ZNF813: variants seen among roughly 807,000 people sequenced by gnomAD.
The protein encoded by ZNF813 is zinc finger protein 813.
ZNF813 carries 3 observed loss-of-function variants against 7.2 expected under a neutral mutation model. That is an observed-to-expected ratio of 0.42 (90% CI 0.19 to 1.08). The LOEUF (loss-of-function observed/expected upper bound fraction) is 1.08. Ranked by LOEUF, ZNF813 falls within the 50% of genes least tolerant of loss-of-function variation. ZNF813 has a pLI of 0.30. For missense variants in ZNF813, 714 were observed against 753.3 expected (o/e 0.95, Z 0.61); for synonymous variants, 227 against 256.3 (o/e 0.89, Z 1.09).
At position 53,493,092 on chromosome 19, in the gene ZNF813, T is replaced by C. The variant is rs1294452996; in HGVS notation, c.*1006T>C. On this transcript the variant is annotated 3_prime_UTR_variant, in exon 4 of 4. Transcript: ENST00000396403. ...CAAGCAGTAATTGACATTAAAGTGTTTATGTTAAGAGGATTGGGCCAGGTA... is the reference window on the plus strand; with the variant it reads ...CAAGCAGTAATTGACATTAAAGTGTCTATGTTAAGAGGATTGGGCCAGGTA... The C allele has an allele frequency of 8.3e-6, 3 of 361,956 alleles. No individual in the cohort carries two copies. The highest frequency in any genetic ancestry group is 1.6e-5 in the Non-Finnish European group (3 of 183,520). 22.4% of individuals were successfully genotyped at this position (361,956 alleles called of 1,614,324 possible).
chr19:53,489,711 T>A (rs190261245), intron 3 of ZNF813, among the ~76,000 whole-genome samples: 1 of 152,220 alleles, frequency 6.6e-6, no homozygotes, highest in South Asian at 2.1e-4. Flanking sequence ...TATTAACTTT[T>A]ATTTTGAGAT....
At chr19:53,486,537 T>C (rs1189500398) in intron 2 of ZNF813, 95 bp from the exon 3 acceptor site, 1 of 1,605,156 alleles carries the variant, frequency 6.2e-7, no homozygotes, top group Non-Finnish European at 8.5e-7. Flanking sequence ...TTCACTGCAA[T>C]TAAATCCATG....
Position 53,493,498 on chromosome 19 carries a change from G to T in ZNF813, c.*1412G>T, listed in dbSNP as rs1266046122. On this transcript the variant is annotated 3_prime_UTR_variant, in exon 4 of 4. Transcript: ENST00000396403. ...AAATTTTCTTTTAAAATTGTTTATT[G>T]TTACAAACTTCTCATCTTTTTGCTT... 2 of 151,366 alleles carry T rather than the reference G, an allele frequency of 1.3e-5. No individual in the cohort carries two copies. Among genetic ancestry groups the T allele is most frequent in the East Asian group, 3.9e-4 (2 of 5,184 alleles). The allele number at this position is 151,366 out of a possible 1,614,324, so 9.4% of individuals were successfully genotyped here. A position where few individuals can be genotyped will look rare whatever the true frequency, so the allele number is the denominator to read the frequency against.
chr19:53,492,998 C>A lies in ZNF813; in HGVS notation c.*912C>A. 1 of 443,582 alleles carries A rather than the reference C, an allele frequency of 2.3e-6. No individual in the cohort carries two copies. 27.5% of individuals were successfully genotyped at this position (443,582 alleles called of 1,614,324 possible). On this transcript the variant is annotated 3_prime_UTR_variant, in exon 4 of 4. Transcript: ENST00000396403. ...TGGCAAGGTTTTCAGTCTGACTTCA[C>A]TCCTTGCAGAATATCAGAAAATTCA...
chr19:53,490,354 A>G (rs753581633), intron 3 of ZNF813, 21 bp from the exon 4 acceptor site: 9 of 1,612,532 alleles, frequency 5.6e-6, no homozygotes, highest in African/African-American at 1.3e-5. Flanking sequence ...CTGGAAACCT[A>G]TTCGTGTTTA....
At position 53,495,213 on chromosome 19, in the gene ZNF813, T is replaced by G. The variant is rs1457925852; in HGVS notation, c.*3127T>G. ...GCAGGCACACCATCCACATCAGTTT[T>G]TTTGTTTGTTTTTGTTGTTGTTGTT... On this transcript the variant is annotated 3_prime_UTR_variant, in exon 4 of 4. Coordinates refer to ENST00000396403, the MANE Select transcript of ZNF813 (RefSeq NM_001004301.4). 2 of 128,576 alleles carry G rather than the reference T, an allele frequency of 1.6e-5. No individual in the cohort carries two copies. The highest frequency in any genetic ancestry group is 8.3e-5 in the Admixed American group (1 of 12,098). 8.0% of individuals were successfully genotyped at this position (128,576 alleles called of 1,614,324 possible).
At chr19:53,477,082 C>T (rs2086385623) in intron 1 of ZNF813, among the ~76,000 whole-genome samples, 1 of 152,130 alleles carries the variant, frequency 6.6e-6, no homozygotes. Context: ...AAGAAAGCAT[C>T]CTTTAAGTTT....
intron 1 of ZNF813, among the ~76,000 whole-genome samples, chr19:53,482,905 AT>A (rs2086416242): frequency 1.4e-5 from 2 of 146,230 alleles, no homozygotes; most frequent in African/African-American, 2.6e-5. Context: ...TTGTATTTTT[AT>A]TTTTATTTTA....
rs959719684 is a variant in ZNF813, at chr19:53,468,210, C to A, written c.-74+421C>A. On this transcript the variant is annotated intron_variant, in intron 1 of 3. Coordinates refer to ENST00000396403, the MANE Select transcript of ZNF813 (RefSeq NM_001004301.4). Reference sequence around the variant, plus strand: ...TGCAGACCCCACCCTTGTCTTAAGGCGCCCTCGCGCCCCCCCCCCCCCACC... The same window carrying A: ...TGCAGACCCCACCCTTGTCTTAAGGAGCCCTCGCGCCCCCCCCCCCCCACC... Among the ~76,000 whole-genome samples the A allele has an allele frequency of 4.9e-4, 55 of 112,696 alleles. 2 individuals are homozygous for A. Among genetic ancestry groups the A allele is most frequent in the African/African-American group, 1.7e-3 (54 of 31,008 alleles). The allele number at this position is 112,696 out of a possible 152,430, so 73.9% of individuals were successfully genotyped here. A position where few individuals can be genotyped will look rare whatever the true frequency, so the allele number is the denominator to read the frequency against.
intron 1 of ZNF813, among the ~76,000 whole-genome samples, chr19:53,470,771 T>C (rs2617705): frequency 0.16 from 24,633 of 149,798 alleles, 2,479 homozygotes; most frequent in African/African-American, 0.29. Context: ...CTATTGTCAT[T>C]GATTTCTAGG....
At chr19:53,475,040 G>A (rs1352842578) in intron 1 of ZNF813, among the ~76,000 whole-genome samples, 1 of 152,116 alleles carries the variant, frequency 6.6e-6, no homozygotes, top group Non-Finnish European at 1.5e-5. Context: ...GCCCTCTGCA[G>A]TGCATTATAG....
At chr19:53,476,041 G>A (rs935197754) in intron 1 of ZNF813, among the ~76,000 whole-genome samples, 27 of 152,092 alleles carry the variant, frequency 1.8e-4, no homozygotes, top group Admixed American at 5.2e-4. Flanking sequence ...TTGACGTTGG[G>A]TGGCCGGGGT....
rs1364066492 is a variant in ZNF813, at chr19:53,492,881, GA to G, written c.*796del. ...CATACAGGAGAGAAACCTCACGTGT[GA>G]TGATTGTGGCAAAGCCTTTACTTCA... is the stretch of plus-strand genomic sequence containing the variant. On this transcript the variant is annotated 3_prime_UTR_variant, in exon 4 of 4. Coordinates refer to ENST00000396403, the MANE Select transcript of ZNF813 (RefSeq NM_001004301.4). 1.6e-5 allele frequency: 8 copies of G among 486,474 alleles called. No individual in the cohort carries two copies. The highest frequency in any genetic ancestry group is 9.0e-5 in the Admixed American group (4 of 44,432). 30.1% of individuals were successfully genotyped at this position (486,474 alleles called of 1,614,324 possible).
chr19:53,469,453 G>C (rs965988183), intron 1 of ZNF813, among the ~76,000 whole-genome samples: 3 of 152,078 alleles, frequency 2.0e-5, no homozygotes, highest in Non-Finnish European at 4.4e-5. Flanking sequence ...GGAGACACAC[G>C]CAGTAGAAAA....
In ZNF813 at chr19:53,491,113, C is replaced by G. The variant is rs1345112420; in HGVS notation, c.881C>G (p.Thr294Ser). The change falls in exon 4 of 4, where the codon ACT becomes AGT. Residue 294 changes from threonine to serine, a missense_variant. Physicochemically the swap from Thr to Ser is moderately conservative, Grantham distance 58. This residue lies in a region of ZNF813 where 563 missense variants were observed against 554.2 expected (regional missense o/e 1.02). Transcript: ENST00000396403. Reference sequence around the variant, plus strand: ...CTTACATGCCATCGTAGACTTCATACTGGAGAGAAACCTTACAAATGTGAA... The same window carrying G: ...CTTACATGCCATCGTAGACTTCATAGTGGAGAGAAACCTTACAAATGTGAA... ...YSLTCHRRLH[T>S]GEKPYKCEEC... The G allele has an allele frequency of 1.9e-6, 3 of 1,613,980 alleles. No homozygotes were observed. Among genetic ancestry groups the G allele is most frequent in the Admixed American group, 3.3e-5 (2 of 60,000 alleles).
chr19:53,469,688 G>C (rs2086346339), intron 1 of ZNF813, among the ~76,000 whole-genome samples: 1 of 150,624 alleles, frequency 6.6e-6, no homozygotes. Flanking sequence ...TGAGGGAGAG[G>C]AGGAGGGATT....
chr19:53,493,406 A>G lies in ZNF813; in HGVS notation c.*1320A>G, dbSNP rs2086472768. ...GATGTATATTTGTAGATTTCAAGGT[A>G]CAAACTTCTCACCTTTTTACTTTTA... On this transcript the variant is annotated 3_prime_UTR_variant, in exon 4 of 4. Transcript: ENST00000396403. The G allele has an allele frequency of 1.3e-5, 2 of 150,122 alleles. No homozygotes were observed. Among genetic ancestry groups the G allele is most frequent in the Admixed American group, 1.3e-4 (2 of 14,934 alleles). 9.3% of individuals were successfully genotyped at this position (150,122 alleles called of 1,614,324 possible).
At chr19:53,468,228 C>A (rs956129879) in intron 1 of ZNF813, among the ~76,000 whole-genome samples, 4 of 128,130 alleles carry the variant, frequency 3.1e-5, no homozygotes, top group Non-Finnish European at 5.4e-5. Context: ...CGCCCCCCCC[C>A]CCCCACCTCC....
chr19:53,480,520 G>C (rs1029901141), intron 1 of ZNF813, among the ~76,000 whole-genome samples: 1 of 152,010 alleles, frequency 6.6e-6, no homozygotes, highest in Non-Finnish European at 1.5e-5. Context: ...AATAGTTTCT[G>C]TTTGAAACTA....
Sources: allele counts gnomAD v4.1 joint callset (sites outside exome capture counted in the v4.1 genomes callset), GRCh38; gene constraint gnomAD v4.1.1; regional missense constraint gnomAD v4.1.1; transcripts MANE v1.5; gene names NCBI Gene and HGNC (gene_info 2026-07-23, HGNC 2026-07-21).